The following DCX variants were observed in gnomAD, a reference collection of about 807,000 sequenced individuals.
The protein encoded by DCX is neuronal migration protein doublecortin.
Under a neutral mutation model 20.9 loss-of-function variants are expected in DCX, and 4 were observed. That is an observed-to-expected ratio of 0.19 (90% CI 0.09 to 0.44). DCX has a LOEUF of 0.44. DCX is among the 20% of genes least tolerant of loss of function. The pLI is 0.99. For synonymous variants in DCX, 103 were observed against 111.4 expected (o/e 0.92, Z 0.47); for missense variants, 133 against 296.9 (o/e 0.45, Z 4.06).
chrX:111,407,427 C>A (rs1402648396), intron 2 of DCX, among the ~76,000 whole-genome samples: 1 of 111,971 alleles, frequency 8.9e-6, no homozygotes, highest in Non-Finnish European at 1.9e-5. Flanking sequence ...CCTCCTCATC[C>A]CAGTGCCCTT....
chrX:111,297,545 G>A lies in DCX; in HGVS notation c.*4142C>T, dbSNP rs1477403179. 3 of 111,908 alleles carry A rather than the reference G, an allele frequency of 2.7e-5. No individual in the cohort carries two copies. Among genetic ancestry groups the A allele is most frequent in the Admixed American group, 9.4e-5 (1 of 10,591 alleles). The allele number at this position is 111,908 out of a possible 1,213,427, so 9.2% of individuals were successfully genotyped here. A position where few individuals can be genotyped will look rare whatever the true frequency, so the allele number is the denominator to read the frequency against. On this transcript the variant is annotated 3_prime_UTR_variant, in exon 7 of 7. Transcript: ENST00000636035. ...TCAAAGAAGAATCTCAGGGTTCCTT[G>A]CCTTCTTCAAATAGCTACACATCCA...
intron 3 of DCX, among the ~76,000 whole-genome samples, chrX:111,337,943 A>C (rs1271416448): frequency 8.9e-6 from 1 of 112,176 alleles, no homozygotes; most frequent in Non-Finnish European, 1.9e-5. Flanking sequence ...GCACTACTAT[A>C]AAGATGCAAA....
chrX:111,353,066 G>A (rs1923453150), intron 3 of DCX, among the ~76,000 whole-genome samples: 1 of 112,140 alleles, frequency 8.9e-6, no homozygotes, highest in East Asian at 2.8e-4. Flanking sequence ...CATTTCTCAA[G>A]TGTCAGCTTC....
intron 6 of DCX, among the ~76,000 whole-genome samples, chrX:111,304,675 CA>C (rs1292820968): frequency 3.6e-5 from 4 of 111,694 alleles, no homozygotes; most frequent in African/African-American, 1.3e-4. Context: ...ACAGCCTTTT[CA>C]GGGGGCATTG....
At chrX:111,318,099 C>T (rs1364977918) in intron 5 of DCX, among the ~76,000 whole-genome samples, 5 of 103,695 alleles carry the variant, frequency 4.8e-5, no homozygotes, top group African/African-American at 1.1e-4. Context: ...GCAGGAGAAT[C>T]GCTTGAACCA....
At chrX:111,317,767 C>G (rs1177149749) in intron 5 of DCX, among the ~76,000 whole-genome samples, 1 of 112,007 alleles carries the variant, frequency 8.9e-6, no homozygotes, top group Admixed American at 9.4e-5. Flanking sequence ...CAGGCAGACA[C>G]TTTTCAAAAG....
intron 3 of DCX, among the ~76,000 whole-genome samples, chrX:111,335,845 C>T (rs770218860): frequency 2.0e-4 from 22 of 109,578 alleles, no homozygotes; most frequent in Non-Finnish European, 1.3e-4. Flanking sequence ...ACTGGGGGTG[C>T]GGGGGAGCTG....
At chrX:111,378,369 C>G (rs1010774684) in intron 3 of DCX, among the ~76,000 whole-genome samples, 1 of 111,221 alleles carries the variant, frequency 9.0e-6, no homozygotes, top group Non-Finnish European at 1.9e-5. Flanking sequence ...GAGTCCTATC[C>G]TCTAGCAAAT....
At position 111,370,782 on chromosome X, in the gene DCX, A is replaced by T. The variant is rs764126316; in HGVS notation, c.705+30208T>A. On this transcript the variant is annotated intron_variant, in intron 3 of 6. Transcript: ENST00000636035. ...ATGTTAGGAACACCTGGAGAGCTTTAAAAAAAAAAAAATACATGTTCCCTA... is the reference window on the plus strand; with the variant it reads ...ATGTTAGGAACACCTGGAGAGCTTTTAAAAAAAAAAAATACATGTTCCCTA... Among the ~76,000 whole-genome samples the T allele has an allele frequency of 1.8e-3, 162 of 90,456 alleles. No individual in the cohort carries two copies. The East Asian group carries it at 0.048, about 27-fold the overall frequency. 78.6% of individuals were successfully genotyped at this position (90,456 alleles called of 115,157 possible).
In DCX at chrX:111,383,806, GGATTTT is replaced by G. The variant is rs199805249; in HGVS notation, c.705+17178_705+17183del. On this transcript the variant is annotated intron_variant, in intron 3 of 6. Coordinates refer to ENST00000636035, the MANE Select transcript of DCX (RefSeq NM_001195553.2). Reference sequence around the variant, plus strand: ...CTCGTGCCTGGGTCTCAGCTCCAGAGGATTTTGATGTAATTAGTCTGGAGTCAGGTC... The same window carrying G: ...CTCGTGCCTGGGTCTCAGCTCCAGAGGATGTAATTAGTCTGGAGTCAGGTC... Among the ~76,000 whole-genome samples, 319 of 111,261 alleles carry G rather than the reference GGATTTT, an allele frequency of 2.9e-3. 1 individual carries two copies. The highest frequency in any genetic ancestry group is 0.028 in the East Asian group (98 of 3,485).
At chrX:111,319,559 A>G (rs2095081695) in intron 5 of DCX, among the ~76,000 whole-genome samples, 1 of 112,381 alleles carries the variant, frequency 8.9e-6, no homozygotes. Context: ...GGAAAAGGCA[A>G]GAGTCTGTGG....
At chrX:111,394,466 C>T (rs1226413900) in intron 3 of DCX, among the ~76,000 whole-genome samples, 5 of 112,005 alleles carry the variant, frequency 4.5e-5, no homozygotes, top group South Asian at 3.7e-4. Context: ...GAATTTTATA[C>T]ATAAGATGAG....
At chrX:111,410,698 G>T in intron 1 of DCX, 1 of 1,132,408 alleles carries the variant, frequency 8.8e-7, no homozygotes. Context: ...TCTTGGCACT[G>T]TTCCAGACAG....
chrX:111,411,150 G>A, intron 1 of DCX: 1 of 444,238 alleles, frequency 2.3e-6, no homozygotes, highest in Non-Finnish European at 3.9e-6. Flanking sequence ...AAATAAGCTG[G>A]GGGGAAAAAG....
intron 3 of DCX, among the ~76,000 whole-genome samples, chrX:111,392,325 G>A (rs1927011771): frequency 9.0e-6 from 1 of 111,156 alleles, no homozygotes; most frequent in Non-Finnish European, 1.9e-5. Flanking sequence ...GAAAATATAT[G>A]TCTATACCTA....
chrX:111,368,722 C>A (rs1158568026), intron 3 of DCX, among the ~76,000 whole-genome samples: 1 of 110,912 alleles, frequency 9.0e-6, no homozygotes, highest in Non-Finnish European at 1.9e-5. Flanking sequence ...TTCTTTCTTA[C>A]TTTCCAGGTG....
At chrX:111,335,539 C>T (rs1313386291) in intron 3 of DCX, among the ~76,000 whole-genome samples, 1 of 112,420 alleles carries the variant, frequency 8.9e-6, no homozygotes, top group Non-Finnish European at 1.9e-5. Flanking sequence ...CTTTAAAAGG[C>T]AACACAAATA....
chrX:111,404,980 G>T (rs1299261788), intron 2 of DCX, among the ~76,000 whole-genome samples: 1 of 112,091 alleles, frequency 8.9e-6, no homozygotes, highest in East Asian at 2.8e-4. Context: ...CCAGCTGGGG[G>T]CCTAGAGGGA....
At chrX:111,318,213 A>G (rs1171643085) in intron 5 of DCX, among the ~76,000 whole-genome samples, 2 of 106,310 alleles carry the variant, frequency 1.9e-5, no homozygotes, top group Admixed American at 2.0e-4. Flanking sequence ...AAGTAAAAAA[A>G]TAATATGCTG....
Sources: allele counts gnomAD v4.1 joint callset (sites outside exome capture counted in the v4.1 genomes callset), GRCh38; gene constraint gnomAD v4.1.1; transcripts MANE v1.5; gene names NCBI Gene and HGNC (gene_info 2026-07-23, HGNC 2026-07-21).